The following DDAH1 variants were observed in gnomAD, a reference collection of about 807,000 sequenced individuals.
DDAH1 encodes the protein dimethylarginine dimethylaminohydrolase 1.
A neutral mutation model predicts 28.8 loss-of-function variants in DDAH1; 19 were observed. That is an observed-to-expected ratio of 0.66 (90% CI 0.46 to 0.97). The LOEUF is 0.97. Ranked by LOEUF, DDAH1 falls within the 50% of genes least tolerant of loss-of-function variation. The pLI is 0.00. For synonymous variants in DDAH1, 153 were observed against 154.4 expected, an observed-to-expected ratio of 0.99 and a Z score of 0.07; for missense variants, 326 against 375.9, an observed-to-expected ratio of 0.87 and a Z score of 1.10.
At chr1:85,327,316 T>C (rs969620926) in intron 4 of DDAH1, among the ~76,000 whole-genome samples, 1 of 152,184 alleles carries the variant, frequency 6.6e-6, no homozygotes, top group African/African-American at 2.4e-5. Flanking sequence ...ATAATCTGTC[T>C]TGGAGTCTAA....
intron 1 of DDAH1, among the ~76,000 whole-genome samples, chr1:85,558,070 A>G (rs1185846531): frequency 2.6e-5 from 4 of 152,196 alleles, no homozygotes; most frequent in Admixed American, 2.6e-4. Flanking sequence ...CAGTAAAAAA[A>G]AAAAACATCA....
At chr1:85,329,662 TTAAAA>T (rs1255194334) in intron 4 of DDAH1, among the ~76,000 whole-genome samples, 2 of 152,212 alleles carry the variant, frequency 1.3e-5, no homozygotes, top group Admixed American at 1.3e-4. Context: ...AGAGTTACTC[TTAAAA>T]TAAATGTCTT....
chr1:85,414,556 G>A (rs762114760), intron 1 of DDAH1, among the ~76,000 whole-genome samples: 1 of 152,090 alleles, frequency 6.6e-6, no homozygotes, highest in South Asian at 2.1e-4. Context: ...AACATATAAA[G>A]AATTCCTCTG....
intron 2 of DDAH1, among the ~76,000 whole-genome samples, chr1:85,479,325 CACCGCGCCCGGCTAATTTTT>C (rs1417532085): frequency 6.6e-6 from 1 of 151,344 alleles, no homozygotes; most frequent in African/African-American, 2.4e-5. Flanking sequence ...AGGCGCCCGC[CACCGCGCCCGGCTAATTTTT>C]TGTATTTTTA....
chr1:85,450,684 T>C (rs12044239), intron 1 of DDAH1, among the ~76,000 whole-genome samples: 1 of 152,334 alleles, frequency 6.6e-6, no homozygotes, highest in East Asian at 1.9e-4. Flanking sequence ...AAAGGTATTT[T>C]ACAGGAAACT....
intron 2 of DDAH1, among the ~76,000 whole-genome samples, chr1:85,478,277 GCT>G (rs1655871285): frequency 6.6e-6 from 1 of 152,180 alleles, no homozygotes; most frequent in African/African-American, 2.4e-5. Flanking sequence ...ACTCTAACTT[GCT>G]TTTTGCCAAG....
chr1:85,482,796 C>G (rs141870593), intron 2 of DDAH1, among the ~76,000 whole-genome samples: 1 of 152,178 alleles, frequency 6.6e-6, no homozygotes, highest in East Asian at 1.9e-4. Flanking sequence ...TGGGCAATAG[C>G]TAAGATTTTA....
intron 1 of DDAH1, among the ~76,000 whole-genome samples, chr1:85,563,893 G>T (rs1659209515): frequency 6.6e-6 from 1 of 152,240 alleles, no homozygotes; most frequent in Non-Finnish European, 1.5e-5. Context: ...AATGTCTAGA[G>T]CTGGGCGTGA....
At position 85,323,240 on chromosome 1, in the gene DDAH1, C is replaced by CA. The variant is rs372601589; in HGVS notation, c.741+1499dup. 1.3e-3 allele frequency among the ~76,000 whole-genome samples: 187 copies of CA among 145,498 alleles called. 1 individual carries two copies. Among genetic ancestry groups the CA allele is most frequent in the African/African-American group, 3.9e-3 (156 of 39,782 alleles). On this transcript the variant is annotated intron_variant, in intron 5 of 5. Transcript: ENST00000284031. Reference sequence around the variant, plus strand: ...TTTCTAATATTTGCGAAGCTTAAGACAAAAAAAAAAGATCAATGATTACTA... The same window carrying CA: ...TTTCTAATATTTGCGAAGCTTAAGACAAAAAAAAAAAGATCAATGATTACTA...
chr1:85,382,133 C>G (rs2100910335), intron 1 of DDAH1, among the ~76,000 whole-genome samples: 1 of 152,310 alleles, frequency 6.6e-6, no homozygotes. Flanking sequence ...AGCTAGGCCT[C>G]TCATGCCAGT....
At chr1:85,545,942 T>C (rs1658609690) in intron 1 of DDAH1, among the ~76,000 whole-genome samples, 1 of 152,236 alleles carries the variant, frequency 6.6e-6, no homozygotes, top group Non-Finnish European at 1.5e-5. Flanking sequence ...TGACTTTGGA[T>C]AAAGCACTGG....
intron 1 of DDAH1, among the ~76,000 whole-genome samples, chr1:85,382,556 T>C (rs980702821): frequency 6.6e-6 from 1 of 152,240 alleles, no homozygotes; most frequent in Non-Finnish European, 1.5e-5. Context: ...CAGCATTGTA[T>C]GTTATGAATA....
At chr1:85,460,673 G>A (rs1224755487) in intron 1 of DDAH1, among the ~76,000 whole-genome samples, 1 of 152,144 alleles carries the variant, frequency 6.6e-6, no homozygotes, top group African/African-American at 2.4e-5. Flanking sequence ...GTTAAGTTTT[G>A]TCAGTTAATC....
At chr1:85,455,440 T>TC (rs1420405126) in intron 1 of DDAH1, among the ~76,000 whole-genome samples, 5 of 152,212 alleles carry the variant, frequency 3.3e-5, no homozygotes, top group African/African-American at 1.2e-4. Flanking sequence ...GGTATCTTTT[T>TC]CTTTTTTTTT....
chr1:85,493,601 T>G (rs2100730935), intron 2 of DDAH1: 1 of 152,344 alleles, frequency 6.6e-6, no homozygotes, highest in Admixed American at 6.5e-5. Flanking sequence ...AAATATTTTC[T>G]TTTTAAAATT....
chr1:85,483,507 T>C (rs1656082902), intron 2 of DDAH1, among the ~76,000 whole-genome samples: 1 of 152,184 alleles, frequency 6.6e-6, no homozygotes, highest in African/African-American at 2.4e-5. Flanking sequence ...CCCAAAATAT[T>C]TGATGCTAGA....
intron 1 of DDAH1, among the ~76,000 whole-genome samples, chr1:85,507,521 A>AAT (rs1657057952): frequency 6.6e-6 from 1 of 150,764 alleles, no homozygotes; most frequent in African/African-American, 2.4e-5. Context: ...TAAATAAATA[A>AAT]ATAAATAAAC....
In DDAH1 at chr1:85,492,289, T is replaced by C. The variant is rs1004517870; in HGVS notation, c.-7+3877A>G. Among the ~76,000 whole-genome samples the C allele has an allele frequency of 5.9e-5, 9 of 152,124 alleles. No homozygotes were observed. The East Asian group carries it at 1.7e-3, about 29-fold the overall frequency. On this transcript the variant is annotated intron_variant, in intron 2 of 6. Coordinates refer to the DDAH1 transcript ENST00000426972. The stretch of plus-strand genomic sequence containing the variant: ...AAATGTTCAGAAATCATTCTCTAAT[T>C]AACAATAAAAAAATGCAAAAATGGA...
intron 1 of DDAH1, among the ~76,000 whole-genome samples, chr1:85,525,457 G>A (rs2977678): frequency 6.6e-6 from 1 of 152,082 alleles, no homozygotes; most frequent in Non-Finnish European, 1.5e-5. Flanking sequence ...TGAAGATTAT[G>A]GGAACAAAAA....
Sources: gnomAD v4.1 joint callset for allele counts (sites outside exome capture counted in the v4.1 genomes callset) on GRCh38, gnomAD v4.1.1 for gene constraint, MANE v1.5 for transcripts, NCBI Gene and HGNC (gene_info 2026-07-23, HGNC 2026-07-21) for gene names.